The following GRIK2 variants were observed in gnomAD, a reference collection of about 807,000 sequenced individuals.
GRIK2 encodes glutamate ionotropic receptor kainate type subunit 2.
Under a neutral mutation model 100.3 loss-of-function variants are expected in GRIK2, and 32 were observed. The observed-to-expected ratio is 0.32, with a 90% CI of 0.24 to 0.43. The LOEUF is 0.43. Among genes scored for constraint, GRIK2 ranks in the 20% least tolerant of loss-of-function variants. GRIK2 has a pLI of 1.00. For synonymous variants in GRIK2, 417 were observed against 389.4 expected, an observed-to-expected ratio of 1.07 and a Z score of -0.83; for missense variants, 843 against 1,114.9, an observed-to-expected ratio of 0.76 and a Z score of 3.47.
intron 2 of GRIK2, among the ~76,000 whole-genome samples, chr6:101,560,148 A>G (rs1776933442): frequency 6.6e-6 from 1 of 152,156 alleles, no homozygotes; most frequent in Non-Finnish European, 1.5e-5. Flanking sequence ...ATTGCCAACA[A>G]TAAACAATTT....
At chr6:101,801,786 G>T (rs1250277736) in intron 8 of GRIK2, among the ~76,000 whole-genome samples, 1 of 151,792 alleles carries the variant, frequency 6.6e-6, no homozygotes, top group East Asian at 1.9e-4. Flanking sequence ...CCTCCATGAA[G>T]TATATCTTGA....
At chr6:101,469,946 C>G (rs561302065) in intron 2 of GRIK2, among the ~76,000 whole-genome samples, 5 of 152,142 alleles carry the variant, frequency 3.3e-5, no homozygotes, top group Admixed American at 2.0e-4. Flanking sequence ...TATGTCATAG[C>G]TTTTTTAGTT....
chr6:102,019,257 G>C (rs1032023044), intron 14 of GRIK2, among the ~76,000 whole-genome samples: 1 of 151,992 alleles, frequency 6.6e-6, no homozygotes, highest in African/African-American at 2.4e-5. Context: ...TTAGATGGAT[G>C]GTGTTACAGG....
intron 2 of GRIK2, among the ~76,000 whole-genome samples, chr6:101,513,499 AT>A (rs1218330733): frequency 1.3e-5 from 2 of 152,110 alleles, no homozygotes; most frequent in Non-Finnish European, 2.9e-5. Flanking sequence ...ATAGATGCAA[AT>A]TTTTCCCCAC....
At chr6:101,564,826 A>T (rs1374587170) in intron 2 of GRIK2, among the ~76,000 whole-genome samples, 1 of 152,048 alleles carries the variant, frequency 6.6e-6, no homozygotes, top group African/African-American at 2.4e-5. Context: ...ATTTGTTCAG[A>T]TTAAAGGAAC....
intron 2 of GRIK2, among the ~76,000 whole-genome samples, chr6:101,603,822 A>T (rs1779330519): frequency 6.6e-6 from 1 of 151,760 alleles, no homozygotes; most frequent in South Asian, 2.1e-4. Context: ...CTGGGGCTTT[A>T]ACAACCAGGA....
chr6:101,999,504 A>T lies in GRIK2; in HGVS notation c.2086-35837A>T, dbSNP rs970633554. The stretch of plus-strand genomic sequence containing the variant: ...GATGCTATTGTAAATGGTATTTTCA[A>T]AAACTTCACTTTTGTAGAAACACAA... On this transcript the variant is annotated intron_variant, in intron 14 of 16. Transcript: ENST00000369134. Among the ~76,000 whole-genome samples, 7 of 152,162 alleles carry T rather than the reference A, an allele frequency of 4.6e-5. No individual in the cohort carries two copies. In the South Asian group the frequency reaches 1.2e-3, roughly 27 times the overall value.
rs1465467069 is a variant in GRIK2 at position 101,405,553 on chromosome 6, A to G, written c.115+6161A>G. On this transcript the variant is annotated intron_variant, in intron 2 of 16. Transcript: ENST00000369134. ...AGTAGAGAAACCACAGAGACAATAA[A>G]GGAATATTCTTTCTGCAGTTTCAAT... is the stretch of plus-strand genomic sequence containing the variant. 9.9e-5 allele frequency among the ~76,000 whole-genome samples: 15 copies of G among 152,204 alleles called. 1 individual carries two copies. Among genetic ancestry groups the G allele is most frequent in the South Asian group, 2.1e-4 (1 of 4,832 alleles).
At chr6:101,756,756 T>C (rs182335566) in intron 7 of GRIK2, among the ~76,000 whole-genome samples, 12 of 152,110 alleles carry the variant, frequency 7.9e-5, no homozygotes, top group African/African-American at 2.7e-4. Flanking sequence ...AATACAAGAG[T>C]ACTACAACTT....
At chr6:101,522,355 G>T (rs1774922351) in intron 2 of GRIK2, among the ~76,000 whole-genome samples, 1 of 152,038 alleles carries the variant, frequency 6.6e-6, no homozygotes, top group South Asian at 2.1e-4. Flanking sequence ...ATGTTATGAT[G>T]CATTAAAACA....
intron 14 of GRIK2, among the ~76,000 whole-genome samples, chr6:101,940,459 C>T (rs939618505): frequency 6.6e-6 from 1 of 151,930 alleles, no homozygotes; most frequent in African/African-American, 2.4e-5. Flanking sequence ...AACCTGTTCC[C>T]ATCTTTATTT....
chr6:101,821,707 G>A (rs971933326), intron 10 of GRIK2, among the ~76,000 whole-genome samples: 1 of 152,022 alleles, frequency 6.6e-6, no homozygotes, highest in Admixed American at 6.6e-5. Context: ...CCATAGTCAA[G>A]TAAAGAACAG....
At chr6:101,662,544 C>T (rs921101909) in intron 4 of GRIK2, among the ~76,000 whole-genome samples, 21 of 152,134 alleles carry the variant, frequency 1.4e-4, no homozygotes, top group Admixed American at 1.1e-3. Flanking sequence ...TTACCAGCTA[C>T]TGGTCAGCCT....
chr6:101,486,135 T>C (rs907112208), intron 2 of GRIK2, among the ~76,000 whole-genome samples: 1 of 152,114 alleles, frequency 6.6e-6, no homozygotes, highest in African/African-American at 2.4e-5. Flanking sequence ...AGGAATACCA[T>C]GCCTTGGTGT....
chr6:101,788,406 C>G (rs867094541), intron 7 of GRIK2, among the ~76,000 whole-genome samples: 11 of 151,538 alleles, frequency 7.3e-5, no homozygotes, highest in Non-Finnish European at 1.6e-4. Context: ...TCCCCTTCCT[C>G]TGTCCATGTG....
intron 11 of GRIK2, 35 bp from the exon 12 acceptor site, chr6:101,889,605 C>G: frequency 2.8e-6 from 2 of 711,240 alleles, no homozygotes; most frequent in Non-Finnish European, 4.3e-6. Context: ...TTCTTTCTTT[C>G]TTTTTTTTTT....
chr6:101,971,202 A>ATATATT (rs2128485873), intron 14 of GRIK2, among the ~76,000 whole-genome samples: 1 of 152,108 alleles, frequency 6.6e-6, no homozygotes, highest in East Asian at 1.9e-4. Context: ...TTTATTTCAA[A>ATATATT]TATATTTTGT....
At chr6:101,875,093 C>T (rs1266293857) in intron 11 of GRIK2, among the ~76,000 whole-genome samples, 6 of 152,036 alleles carry the variant, frequency 3.9e-5, no homozygotes, top group Non-Finnish European at 7.4e-5. Flanking sequence ...TTATTTCTTT[C>T]TCCTGCCTGA....
At position 101,476,484 on chromosome 6, in the gene GRIK2, A is replaced by G. The variant is rs562420927; in HGVS notation, c.115+77092A>G. ...AGTTGATAGAGAGTGTATTGGAGTA[A>G]TTAAAGCAAAAGGCTTTGGAGTTTA... On this transcript the variant is annotated intron_variant, in intron 2 of 16. Coordinates refer to ENST00000369134, the MANE Select transcript of GRIK2 (RefSeq NM_021956.5). Among the ~76,000 whole-genome samples the G allele has an allele frequency of 5.7e-4, 87 of 152,234 alleles. 1 individual carries two copies. The highest frequency in any genetic ancestry group is 1.8e-3 in the African/African-American group (76 of 41,572).
Sources: gnomAD v4.1 joint callset for allele counts (sites outside exome capture counted in the v4.1 genomes callset) on GRCh38, gnomAD v4.1.1 for gene constraint, MANE v1.5 for transcripts, NCBI Gene and HGNC (gene_info 2026-07-23, HGNC 2026-07-21) for gene names.